ANO3: variants seen among roughly 807,000 people sequenced by gnomAD.
The protein encoded by ANO3 is anoctamin-3.
Under a neutral mutation model 144.8 loss-of-function variants are expected in ANO3, and 99 were observed. The ratio of observed to expected loss-of-function variants is 0.68; its 90% CI spans 0.58 to 0.81. The LOEUF (loss-of-function observed/expected upper bound fraction) is 0.81, where lower values mean the gene tolerates loss of function less well. Ranked by LOEUF, ANO3 falls within the 30% of genes least tolerant of loss-of-function variation. ANO3 has a pLI of 0.00. For synonymous variants in ANO3, 414 were observed against 392.6 expected (o/e 1.05, Z -0.64); for missense variants, 905 against 1,202.2 (o/e 0.75, Z 3.66).
intron 1 of ANO3, among the ~76,000 whole-genome samples, chr11:26,412,968 C>T (rs1055613861): frequency 6.6e-6 from 1 of 151,876 alleles, no homozygotes; most frequent in African/African-American, 2.4e-5. Context: ...AGGGAAATCT[C>T]CATGTGTTTC....
At chr11:26,327,482 T>C (rs1854914378), upstream of ANO3, among the ~76,000 whole-genome samples, 1 of 152,156 alleles carries the variant, frequency 6.6e-6, no homozygotes, top group African/African-American at 2.4e-5. Flanking sequence ...TGAAGGAGTT[T>C]TAGGACAATC....
chr11:26,568,326 C>G (rs1237074891), intron 14 of ANO3, among the ~76,000 whole-genome samples: 6 of 151,986 alleles, frequency 3.9e-5, no homozygotes, highest in African/African-American at 1.4e-4. Flanking sequence ...TCCAAGGACA[C>G]ACAGCTAGTA....
At chr11:26,596,660 A>T (rs1590609249) in intron 14 of ANO3, among the ~76,000 whole-genome samples, 1 of 152,178 alleles carries the variant, frequency 6.6e-6, no homozygotes, top group Non-Finnish European at 1.5e-5. Context: ...AGTCTGAAGC[A>T]TTAGTACCTA....
chr11:26,591,484 G>C (rs1851451208), intron 14 of ANO3, among the ~76,000 whole-genome samples: 1 of 152,150 alleles, frequency 6.6e-6, no homozygotes, highest in Non-Finnish European at 1.5e-5. Flanking sequence ...TTAACAAGGA[G>C]GTTAAAGATA....
At chr11:26,256,601 A>G (rs1224700408) in intron 1 of ANO3, among the ~76,000 whole-genome samples, 1 of 152,022 alleles carries the variant, frequency 6.6e-6, no homozygotes. Flanking sequence ...CTCCTACCCT[A>G]TGAGATTTTT....
intron 1 of ANO3, among the ~76,000 whole-genome samples, chr11:26,281,544 G>A (rs1050914341): frequency 2.0e-5 from 3 of 152,026 alleles, no homozygotes; most frequent in African/African-American, 7.3e-5. Context: ...CTTCTCATCT[G>A]AGTTAATTAT....
intron 23 of ANO3, among the ~76,000 whole-genome samples, chr11:26,646,764 G>T (rs1198544275): frequency 4.0e-5 from 6 of 151,884 alleles, no homozygotes; most frequent in Admixed American, 6.6e-5. Flanking sequence ...TTAACCCTTT[G>T]TCGGTTTTTG....
At chr11:26,338,556 G>C (rs994912713) in intron 1 of ANO3, among the ~76,000 whole-genome samples, 1 of 152,130 alleles carries the variant, frequency 6.6e-6, no homozygotes, top group African/African-American at 2.4e-5. Context: ...CCCCTTCCAT[G>C]GTGTGGAAGC....
chr11:26,658,787 T>C (rs1251176658), intron 26 of ANO3, among the ~76,000 whole-genome samples: 2 of 152,164 alleles, frequency 1.3e-5, no homozygotes, highest in Admixed American at 6.6e-5. Context: ...TGCTTTTATA[T>C]GGAAAAATAT....
chr11:26,609,933 C>T (rs571299357), intron 17 of ANO3, among the ~76,000 whole-genome samples: 3 of 152,254 alleles, frequency 2.0e-5, no homozygotes, highest in South Asian at 2.1e-4. Flanking sequence ...TTATTTGAGA[C>T]GGAGTTTCGC....
chr11:26,569,533 C>T (rs1850735244), intron 14 of ANO3, among the ~76,000 whole-genome samples: 1 of 152,008 alleles, frequency 6.6e-6, no homozygotes, highest in South Asian at 2.1e-4. Flanking sequence ...ATCCGTTATT[C>T]AGAACCCCAC....
chr11:26,505,144 G>A (rs1200279706), intron 4 of ANO3, among the ~76,000 whole-genome samples: 1 of 151,838 alleles, frequency 6.6e-6, no homozygotes, highest in Non-Finnish European at 1.5e-5. Flanking sequence ...AAGTAATGAA[G>A]GTGTTAGAAA....
chr11:26,432,196 A>T (rs761664400), intron 1 of ANO3, among the ~76,000 whole-genome samples: 1 of 152,064 alleles, frequency 6.6e-6, no homozygotes, highest in African/African-American at 2.4e-5. Flanking sequence ...TGGTGGCCAC[A>T]TGTATATCTT....
intron 24 of ANO3, among the ~76,000 whole-genome samples, chr11:26,652,978 AC>A (rs368168527): frequency 5.3e-5 from 8 of 151,956 alleles, no homozygotes; most frequent in Non-Finnish European, 7.4e-5. Context: ...TTTTCCTGCT[AC>A]CCCACCAGCC....
chr11:26,283,448 T>C (rs902474436), intron 1 of ANO3, among the ~76,000 whole-genome samples: 4 of 149,544 alleles, frequency 2.7e-5, no homozygotes, highest in Non-Finnish European at 5.9e-5. Flanking sequence ...ACTGCAAATC[T>C]GCTCTCCAAG....
chr11:26,518,548 C>T (rs1163226224), intron 6 of ANO3, among the ~76,000 whole-genome samples: 1 of 148,742 alleles, frequency 6.7e-6, no homozygotes, highest in African/African-American at 2.4e-5. Context: ...GTGAGCCTTA[C>T]AACTTTTCAG....
intron 7 of ANO3, among the ~76,000 whole-genome samples, chr11:26,526,175 C>T (rs147830532): frequency 3.3e-5 from 5 of 152,110 alleles, no homozygotes; most frequent in South Asian, 2.1e-4. Context: ...CGGAAGGTAC[C>T]GCTCTTATCC....
At chr11:26,359,650 G>A (rs908897342) in intron 1 of ANO3, among the ~76,000 whole-genome samples, 2 of 151,930 alleles carry the variant, frequency 1.3e-5, no homozygotes, top group African/African-American at 4.8e-5. Context: ...TCTACCCAGG[G>A]AGTCTGCTGA....
intron 11 of ANO3, among the ~76,000 whole-genome samples, chr11:26,542,274 G>A (rs189584493): frequency 4.6e-5 from 7 of 152,206 alleles, no homozygotes; most frequent in Non-Finnish European, 8.8e-5. Context: ...GCTTTGCAAG[G>A]TGTCTAAGGG....
Sources: gnomAD v4.1 joint callset for allele counts (sites outside exome capture counted in the v4.1 genomes callset) on GRCh38, gnomAD v4.1.1 for gene constraint, MANE v1.5 for transcripts, NCBI Gene and HGNC (gene_info 2026-07-23, HGNC 2026-07-21) for gene names.